Variants in CUX1 observed in about 807,000 individuals in gnomAD.
CUX1 encodes cut like homeobox 1.
A neutral mutation model predicts 158.8 loss-of-function variants in CUX1; 31 were observed. The observed-to-expected ratio is 0.20, with a 90% CI of 0.15 to 0.26. The LOEUF (loss-of-function observed/expected upper bound fraction) is 0.26. Ranked by LOEUF, CUX1 falls within the 10% of genes least tolerant of loss-of-function variation. The probability of loss-of-function intolerance (pLI) is 1.00; values close to 1 mark genes in which losing one functional copy is unlikely to be tolerated. For synonymous variants in CUX1, 879 were observed against 862.1 expected (o/e 1.02, Z -0.34); for missense variants, 1,589 against 2,014.6 (o/e 0.79, Z 4.04).
rs1009127319 is a variant in CUX1 at position 102,251,300 on chromosome 7, C to T, written c.*2258C>T. ...AGGTATGCTCTGGCTGTTCCACCTC[C>T]GTGTGCTTGTTAATTAACTTGTAGG... On this transcript the variant is annotated 3_prime_UTR_variant, in exon 24 of 24. Transcript: ENST00000292535. 4 of 985,132 alleles carry T rather than the reference C, an allele frequency of 4.1e-6. No homozygotes were observed. The African/African-American group carries it at 5.2e-5, about 13-fold the overall frequency. The allele number at this position is 985,132 out of a possible 1,614,324, so 61.0% of individuals were successfully genotyped here.
intron 3 of CUX1, among the ~76,000 whole-genome samples, chr7:102,028,988 ATTTT>A (rs71519103): frequency 8.8e-6 from 1 of 114,242 alleles, no homozygotes; most frequent in Non-Finnish European, 1.7e-5. Context: ...AGTCTTAGGG[ATTTT>A]TTTTTTTTTT....
chr7:101,874,908 C>A (rs767552020), intron 1 of CUX1, among the ~76,000 whole-genome samples: 8 of 152,212 alleles, frequency 5.3e-5, no homozygotes, highest in Admixed American at 2.0e-4. Context: ...GGCTGGGGGG[C>A]CGCCTGTCCC....
At chr7:101,847,370 C>G (rs901786628) in intron 1 of CUX1, among the ~76,000 whole-genome samples, 1 of 152,128 alleles carries the variant, frequency 6.6e-6, no homozygotes, top group African/African-American at 2.4e-5. Context: ...TTTGGCGGCA[C>G]CTGATCCCTA....
chr7:102,216,685 CCCCACACACACT>C (rs1380369913), intron 20 of CUX1, among the ~76,000 whole-genome samples: 4 of 30,480 alleles, frequency 1.3e-4, no homozygotes, highest in South Asian at 1.5e-3. Context: ...ACACACACTC[CCCCACACACACT>C]CCCACACGCA....
intron 9 of CUX1, among the ~76,000 whole-genome samples, chr7:102,166,642 TC>T (rs1791070947): frequency 6.6e-6 from 1 of 152,194 alleles, no homozygotes; most frequent in Non-Finnish European, 1.5e-5. Context: ...ACTTCTCAGC[TC>T]CTGAAATGAA....
rs781831232 is a variant in CUX1 at position 102,201,674 on chromosome 7, G to A, written c.2377G>A (p.Gly793Arg). ...CAAAAAGGAGGCCCAGGACGCCCCC[G>A]GGCTGGACCCCCAGGGAGCAGCCGA... ...ALKKEAQDAPGLDPQGAADCA... is the reference protein window; with the variant it reads ...ALKKEAQDAPRLDPQGAADCA... Residue 793 changes from glycine (G) to arginine (R), a missense_variant, in exon 18 of 24, where the codon GGG becomes AGG. Gly to Arg is a moderately radical substitution (Grantham distance 125). Transcript: ENST00000292535. This position sits in a 1 kb window ranked among gnomAD's most constrained non-coding sequence, Gnocchi z 5.0. The A allele has an allele frequency of 8.1e-6, 13 of 1,612,718 alleles. No individual in the cohort carries two copies. The highest frequency in any genetic ancestry group is 2.2e-5 in the East Asian group (1 of 44,884).
rs565620830 is a variant in CUX1, at chr7:102,199,280, C to T, written c.1960+413C>T. ...GAAACACACTCAAGGTCCTATGGAACGGACGCATCCCACATCGTCCCGGTG... is the reference window on the plus strand; with the variant it reads ...GAAACACACTCAAGGTCCTATGGAATGGACGCATCCCACATCGTCCCGGTG... On this transcript the variant is annotated intron_variant, in intron 16 of 23. Transcript: ENST00000292535. 2.0e-5 allele frequency among the ~76,000 whole-genome samples: 3 copies of T among 152,350 alleles called. No individual in the cohort carries two copies. In the East Asian group the frequency reaches 5.8e-4, roughly 29 times the overall value.
intron 20 of CUX1, among the ~76,000 whole-genome samples, chr7:102,224,726 G>T (rs1366763956): frequency 6.6e-6 from 1 of 152,142 alleles, no homozygotes; most frequent in Admixed American, 6.6e-5. Flanking sequence ...CTTGCAAGGC[G>T]CACTGGAAGA....
At chr7:102,104,262 G>A (rs1314813643) in intron 5 of CUX1, 74 bp from the exon 6 acceptor site, 22 of 1,435,676 alleles carry the variant, frequency 1.5e-5, no homozygotes, top group Non-Finnish European at 2.1e-5. Flanking sequence ...ACCAGGTTAT[G>A]AGAGCCTTGT....
Position 102,239,592 on chromosome 7 carries a change from G to A in CUX1, c.3887+8G>A, listed in dbSNP as rs188145676. Reference sequence around the variant, plus strand: ...CTGGTTCCACAACTACAGGTACGACGGCTGGCTCACAGGGAGCGCCGGTCG... The same window carrying A: ...CTGGTTCCACAACTACAGGTACGACAGCTGGCTCACAGGGAGCGCCGGTCG... On this transcript the variant is annotated splice_region_variant and intron_variant, in intron 23 of 23. Coordinates refer to ENST00000292535, the MANE Select transcript of CUX1 (RefSeq NM_181552.4). The A allele has an allele frequency of 2.5e-6, 4 of 1,607,942 alleles. No individual in the cohort carries two copies. The highest frequency in any genetic ancestry group is 3.3e-5 in the Admixed American group (2 of 59,848).
At chr7:102,187,031 CAAAA>C (rs1230172814) in intron 11 of CUX1, 7 of 146,716 alleles carry the variant, frequency 4.8e-5, no homozygotes, top group African/African-American at 1.8e-4. Context: ...GACTCCATCT[CAAAA>C]AAAAAAGACT....
At chr7:102,116,687 CAG>C (rs1554491880) in intron 8 of CUX1, among the ~76,000 whole-genome samples, 1 of 152,072 alleles carries the variant, frequency 6.6e-6, no homozygotes, top group African/African-American at 2.4e-5. Context: ...AAAAACATGT[CAG>C]GGGCTGATTG....
At chr7:101,964,799 A>G (rs1290556052) in intron 2 of CUX1, among the ~76,000 whole-genome samples, 1 of 152,142 alleles carries the variant, frequency 6.6e-6, no homozygotes, top group Admixed American at 6.5e-5. Flanking sequence ...CGCTGGCCTT[A>G]ATTGGAGGAT....
chr7:102,108,403 T>C (rs1830582038), intron 6 of CUX1, among the ~76,000 whole-genome samples: 1 of 152,140 alleles, frequency 6.6e-6, no homozygotes, highest in African/African-American at 2.4e-5. Flanking sequence ...TGGAATGCAG[T>C]CTCACAATCT....
rs67514665 is a variant in CUX1, at chr7:102,242,205, C to CTTTTTTTTTTT, written c.3887+2633_3887+2643dup. On this transcript the variant is annotated intron_variant, in intron 23 of 23. Transcript: ENST00000292535. ...TATCCCATTTCCACTTTCTTTCTTT[C>CTTTTTTTTTTT]TTTTTTTTTTTTTTTTTTTTTTCTG... Among the ~76,000 whole-genome samples, 37 of 93,062 alleles carry CTTTTTTTTTTT rather than the reference C, an allele frequency of 4.0e-4. 1 individual carries two copies. The highest frequency in any genetic ancestry group is 1.7e-3 in the East Asian group (4 of 2,290). The allele number at this position is 93,062 out of a possible 152,430, so 61.1% of individuals were successfully genotyped here.
intron 3 of CUX1, among the ~76,000 whole-genome samples, chr7:102,070,062 G>T (rs1825959274): frequency 1.3e-5 from 2 of 152,180 alleles, no homozygotes; most frequent in Admixed American, 1.3e-4. Flanking sequence ...CAAAAGACCA[G>T]GAAGGGCACG....
At chr7:102,258,738 C>T (rs1392766857), downstream of CUX1, among the ~76,000 whole-genome samples, 3 of 152,136 alleles carry the variant, frequency 2.0e-5, no homozygotes, top group African/African-American at 4.8e-5. Context: ...TGGTCAGTGG[C>T]GTGGCCTCAG....
At chr7:102,062,453 A>G (rs1030976680) in intron 3 of CUX1, among the ~76,000 whole-genome samples, 3 of 152,208 alleles carry the variant, frequency 2.0e-5, no homozygotes, top group Admixed American at 6.5e-5. Context: ...GAGTTTTTAT[A>G]CTATCATAAG....
Position 102,202,186 on chromosome 7 carries a change from G to A in CUX1, c.2889G>A (p.Gln963=). 1 of 1,607,236 alleles carries A rather than the reference G, an allele frequency of 6.2e-7. No homozygotes were observed. The highest frequency in any genetic ancestry group is 8.5e-7 in the Non-Finnish European group (1 of 1,175,122). The part of the protein sequence containing the change: ...KEKLAKNGIC[Q]RIFGEKVLGL... Reference sequence around the variant, plus strand: ...AGCTGGCCAAGAACGGCATCTGCCAGAGAATCTTCGGGGAGAAGGTAAGGG... The same window carrying A: ...AGCTGGCCAAGAACGGCATCTGCCAAAGAATCTTCGGGGAGAAGGTAAGGG... Residue 963 remains glutamine (Q), a synonymous_variant, in exon 18 of 24, where the codon CAG becomes CAA. Coordinates refer to ENST00000292535, the MANE Select transcript of CUX1 (RefSeq NM_181552.4).
Sources: gnomAD v4.1 joint callset for allele counts (sites outside exome capture counted in the v4.1 genomes callset) on GRCh38, gnomAD v4.1.1 for gene constraint, Gnocchi (gnomAD v3.1) non-coding constraint, MANE v1.5 for transcripts, NCBI Gene and HGNC (gene_info 2026-07-23, HGNC 2026-07-21) for gene names.